Variants in SMYD3 observed in about 807,000 individuals in gnomAD.
SMYD3 encodes SET and MYND domain containing 3.
A neutral mutation model predicts 57.7 loss-of-function variants in SMYD3; 36 were observed. The ratio of observed to expected loss-of-function variants is 0.62; its 90% CI spans 0.48 to 0.82. The LOEUF (loss-of-function observed/expected upper bound fraction) is 0.82, where lower values mean the gene tolerates loss of function less well. Ranked by LOEUF, SMYD3 falls within the 40% of genes least tolerant of loss-of-function variation. The pLI, the probability that SMYD3 is intolerant of heterozygous loss-of-function variation, is 0.00. For synonymous variants in SMYD3, 211 were observed against 195.0 expected (o/e 1.08, Z -0.68); for missense variants, 515 against 538.8 (o/e 0.96, Z 0.44).
At chr1:245,786,235 G>T (rs1305864803) in intron 10 of SMYD3, among the ~76,000 whole-genome samples, 1 of 145,646 alleles carries the variant, frequency 6.9e-6, no homozygotes, top group Admixed American at 7.1e-5. Flanking sequence ...GGTGGCAACA[G>T]AATATTAAGA....
At chr1:246,229,065 T>C (rs1310722534) in intron 5 of SMYD3, among the ~76,000 whole-genome samples, 1 of 152,172 alleles carries the variant, frequency 6.6e-6, no homozygotes, top group Non-Finnish European at 1.5e-5. Context: ...AAAGCTACAC[T>C]ATTTGTTTCA....
At chr1:245,998,823 G>A (rs2058981891) in intron 5 of SMYD3, among the ~76,000 whole-genome samples, 1 of 152,152 alleles carries the variant, frequency 6.6e-6, no homozygotes, top group African/African-American at 2.4e-5. Flanking sequence ...CCGTAAAAAG[G>A]AAAGGAATTC....
At chr1:246,377,583 A>G (rs772217038) in intron 1 of SMYD3, among the ~76,000 whole-genome samples, 1 of 152,038 alleles carries the variant, frequency 6.6e-6, no homozygotes, top group Non-Finnish European at 1.5e-5. Context: ...TGGTCAGGCT[A>G]GTCTTGAACT....
At chr1:246,487,430 A>G (rs562378490) in intron 1 of SMYD3, among the ~76,000 whole-genome samples, 1 of 152,212 alleles carries the variant, frequency 6.6e-6, no homozygotes, top group Non-Finnish European at 1.5e-5. Flanking sequence ...ACTGCACTCC[A>G]GCCTGGGCAA....
chr1:246,077,033 G>A (rs529643026), intron 5 of SMYD3, among the ~76,000 whole-genome samples: 39 of 152,252 alleles, frequency 2.6e-4, no homozygotes, highest in African/African-American at 9.4e-4. Context: ...GTAAGCTGGG[G>A]GTGGGGAACC....
rs1400443682 is a variant in SMYD3 at position 245,749,653 on chromosome 1, A to C, written c.1197T>G (p.Ile399Met). The part of the protein sequence containing the change: ...AMKNLRLAFD[I>M]MRVTHGREHS... ...GTTCTCTGCCATGTGTCACTCTCAT[A>C]ATATCAAAAGCCTAAAGAGAAAGGA... The change falls in exon 12 of 12, where the codon ATT (isoleucine) becomes ATG (methionine). Residue 399 changes from isoleucine (I) to methionine (M), a missense_variant. Transcript: ENST00000490107. 2 of 1,613,892 alleles carry C rather than the reference A, an allele frequency of 1.2e-6. No individual in the cohort carries two copies. The highest frequency in any genetic ancestry group is 3.3e-5 in the Admixed American group (2 of 60,024).
chr1:245,831,040 G>A (rs1031978489), intron 10 of SMYD3, among the ~76,000 whole-genome samples: 5 of 151,976 alleles, frequency 3.3e-5, no homozygotes, highest in Non-Finnish European at 5.9e-5. Flanking sequence ...CAAACTTCAC[G>A]TACCTCTTTA....
chr1:246,216,397 A>C (rs1474569741), intron 5 of SMYD3, among the ~76,000 whole-genome samples: 2 of 152,114 alleles, frequency 1.3e-5, no homozygotes, highest in Non-Finnish European at 2.9e-5. Context: ...CGCACTGACA[A>C]ATATCTTCTA....
intron 1 of SMYD3, among the ~76,000 whole-genome samples, chr1:246,383,680 G>A (rs926312802): frequency 1.5e-4 from 23 of 152,148 alleles, no homozygotes; most frequent in African/African-American, 5.6e-4. Context: ...ATCAAGATGG[G>A]GTCAGGCATG....
At chr1:245,813,204 G>A (rs780623350) in intron 10 of SMYD3, among the ~76,000 whole-genome samples, 2 of 151,812 alleles carry the variant, frequency 1.3e-5, no homozygotes, top group Non-Finnish European at 2.9e-5. Flanking sequence ...TAGGAGAGAC[G>A]GCGTTTCACT....
intron 5 of SMYD3, among the ~76,000 whole-genome samples, chr1:246,284,570 C>T (rs1251561705): frequency 1.3e-5 from 2 of 151,970 alleles, no homozygotes; most frequent in Non-Finnish European, 2.9e-5. Context: ...GCACCCGCCA[C>T]CACACCCGGC....
At chr1:246,184,884 C>T (rs73143348) in intron 5 of SMYD3, among the ~76,000 whole-genome samples, 2,042 of 152,224 alleles carry the variant, frequency 0.013, 43 homozygotes, top group African/African-American at 0.046. Flanking sequence ...TTTAAGCCAC[C>T]CAGTCTGTGG....
At chr1:245,932,356 C>G (rs1455128134) in intron 5 of SMYD3, among the ~76,000 whole-genome samples, 1 of 152,166 alleles carries the variant, frequency 6.6e-6, no homozygotes, top group Non-Finnish European at 1.5e-5. Context: ...GCTTGCTTGT[C>G]TCTTCCACTG....
At chr1:245,992,988 T>C (rs2058839331) in intron 5 of SMYD3, among the ~76,000 whole-genome samples, 1 of 147,794 alleles carries the variant, frequency 6.8e-6, no homozygotes, top group South Asian at 2.2e-4. Context: ...GGAGTGGTCA[T>C]GGATCAGCTA....
chr1:246,102,994 C>A (rs1009142058), intron 5 of SMYD3, among the ~76,000 whole-genome samples: 1 of 152,188 alleles, frequency 6.6e-6, no homozygotes, highest in Non-Finnish European at 1.5e-5. Context: ...TCCACTCCAA[C>A]CACACTGCTG....
intron 8 of SMYD3, among the ~76,000 whole-genome samples, chr1:245,876,164 C>A (rs2052474715): frequency 6.6e-6 from 1 of 152,184 alleles, no homozygotes; most frequent in African/African-American, 2.4e-5. Flanking sequence ...CAGGAATATG[C>A]TTTAAGGGAT....
intron 5 of SMYD3, among the ~76,000 whole-genome samples, chr1:246,323,593 T>C (rs750649601): frequency 7.9e-5 from 12 of 152,172 alleles, no homozygotes; most frequent in Non-Finnish European, 1.3e-4. Flanking sequence ...AACTTTCTCA[T>C]CCTCCCTGAG....
At chr1:245,959,080 T>G (rs1295150323) in intron 5 of SMYD3, among the ~76,000 whole-genome samples, 2 of 152,210 alleles carry the variant, frequency 1.3e-5, no homozygotes, top group Non-Finnish European at 2.9e-5. Context: ...GCTAATTTTT[T>G]GGGTTTTGTT....
intron 5 of SMYD3, among the ~76,000 whole-genome samples, chr1:246,128,131 C>G (rs2061535570): frequency 6.6e-6 from 1 of 152,120 alleles, no homozygotes; most frequent in Admixed American, 6.5e-5. Context: ...CAATAACAAT[C>G]AAATACCTCC....
Sources: allele counts gnomAD v4.1 joint callset (sites outside exome capture counted in the v4.1 genomes callset), GRCh38; gene constraint gnomAD v4.1.1; transcripts MANE v1.5; gene names NCBI Gene and HGNC (gene_info 2026-07-23, HGNC 2026-07-21).